NPL: variants seen among roughly 807,000 people sequenced by gnomAD.
NPL encodes the protein N-acetylneuraminate pyruvate lyase.
In NPL, 32 loss-of-function variants were observed where a neutral mutation model predicts 41.1. That is an observed-to-expected ratio of 0.78 (90% CI 0.59 to 1.05). NPL has a LOEUF of 1.05. Ranked by LOEUF, NPL falls within the 50% of genes least tolerant of loss-of-function variation. The pLI, the probability that NPL is intolerant of heterozygous loss-of-function variation, is 0.00. For synonymous variants in NPL, 128 were observed against 134.9 expected (o/e 0.95, Z 0.35); for missense variants, 321 against 378.4 (o/e 0.85, Z 1.26).
intron 5 of NPL, among the ~76,000 whole-genome samples, chr1:182,807,692 G>A (rs547854981): frequency 2.8e-5 from 4 of 144,516 alleles, no homozygotes; most frequent in Non-Finnish European, 6.0e-5. Flanking sequence ...CTGGCTAACA[G>A]GATGAAACCC....
Position 182,818,651 on chromosome 1 carries a change from C to T in NPL, c.568C>T (p.Arg190Cys), listed in dbSNP as rs191838493. The change falls in exon 9 of 13, where the codon CGC becomes TGC. Residue 190 changes from arginine (R) to cysteine (C), a missense_variant. Coordinates refer to ENST00000367553, the MANE Select transcript of NPL (RefSeq NM_030769.3). ...LDFGQCVDQN[R>C]QQQFAFLFGV... ...CTTCGGGCAATGTGTTGATCAGAAT[C>T]GCCAGCAACAGTTTGCTTTCCTTTT... 2.5e-5 allele frequency: 41 copies of T among 1,614,170 alleles called. 4 individuals carry two copies. The South Asian group carries it at 4.1e-4, about 16-fold the overall frequency.
At chr1:182,793,269 T>C (rs1385975915) in intron 2 of NPL, among the ~76,000 whole-genome samples, 4 of 152,228 alleles carry the variant, frequency 2.6e-5, no homozygotes, top group Non-Finnish European at 5.9e-5. Context: ...CCTATGGAAC[T>C]GAGGCTGTTA....
At chr1:182,826,689 A>G (rs1667639152) in intron 12 of NPL, 1 of 152,170 alleles carries the variant, frequency 6.6e-6, no homozygotes, top group Non-Finnish European at 1.5e-5. Context: ...TTTCTAAGCA[A>G]TGGTTTCACA....
At position 182,816,824 on chromosome 1, in the gene NPL, T is replaced by C. The variant is rs1667347015; in HGVS notation, c.457+18T>C. The C allele has an allele frequency of 1.3e-6, 2 of 1,569,602 alleles. No homozygotes were observed. Among genetic ancestry groups the C allele is most frequent in the Non-Finnish European group, 1.8e-6 (2 of 1,141,056 alleles). On this transcript the variant is annotated intron_variant, in intron 8 of 12. Coordinates refer to ENST00000367553, the MANE Select transcript of NPL (RefSeq NM_030769.3). ...GGTAAAGAGTAAGTACTGCTTCTGT[T>C]GATCTTTCTTTCCTTCCAACTCTCA...
intron 7 of NPL, among the ~76,000 whole-genome samples, chr1:182,815,643 G>T (rs895380177): frequency 5.3e-5 from 8 of 152,070 alleles, no homozygotes; most frequent in Admixed American, 2.6e-4. Context: ...TTGCTCTGTT[G>T]CCCAGGCTGG....
At chr1:182,817,981 A>C (rs1667382774) in intron 8 of NPL, among the ~76,000 whole-genome samples, 1 of 152,156 alleles carries the variant, frequency 6.6e-6, no homozygotes, top group Admixed American at 6.5e-5. Flanking sequence ...TCCTCCCCAG[A>C]GGCCAAGGGT....
In NPL at chr1:182,828,906, T is replaced by G; in HGVS notation, c.961T>G (p.Ter321GluextTer11). Residue 321 changes from the stop codon to glutamate (E), a stop_lost, in exon 13 of 13, where the codon TAG becomes GAG. Transcript: ENST00000367553. This position sits in a 1 kb window ranked among gnomAD's most constrained non-coding sequence, Gnocchi z 4.0. ...GGATGGAAACTTGGAAGCTGGTAGC[T>G]AGTGCCTCTCTATCAAATCAGGGTT... ...LKDGNLEAGS* is the reference protein window; with the variant it reads ...LKDGNLEAGSE The G allele has an allele frequency of 1.2e-6, 2 of 1,614,186 alleles. No individual in the cohort carries two copies. The highest frequency in any genetic ancestry group is 1.7e-6 in the Non-Finnish European group (2 of 1,180,010).
chr1:182,800,401 A>G (rs1419144652), intron 3 of NPL, among the ~76,000 whole-genome samples: 2 of 134,222 alleles, frequency 1.5e-5, no homozygotes, highest in Non-Finnish European at 3.1e-5. Flanking sequence ...GTGCCACTGT[A>G]TTCCAGCCTG....
At chr1:182,818,982 C>A (rs1332037787) in intron 10 of NPL, 123 bp downstream of exon 10, 1 of 884,070 alleles carries the variant, frequency 1.1e-6, no homozygotes, top group East Asian at 2.5e-5. Flanking sequence ...TTTCCACATT[C>A]TTCCAGTGAA....
At chr1:182,791,911 C>T (rs73065357) in intron 1 of NPL, among the ~76,000 whole-genome samples, 3,550 of 151,490 alleles carry the variant, frequency 0.023, 141 homozygotes, top group African/African-American at 0.08. Flanking sequence ...TAAGAGGTAA[C>T]GAAGGGAAAA....
intron 3 of NPL, among the ~76,000 whole-genome samples, chr1:182,794,861 A>T (rs1237776762): frequency 1.3e-5 from 2 of 152,212 alleles, no homozygotes; most frequent in Non-Finnish European, 2.9e-5. Flanking sequence ...CGTCAGCATG[A>T]TTCCACTTCA....
intron 11 of NPL, among the ~76,000 whole-genome samples, chr1:182,822,894 T>A (rs1366101011): frequency 6.6e-6 from 1 of 152,032 alleles, no homozygotes; most frequent in Non-Finnish European, 1.5e-5. Context: ...AGAGATAGGG[T>A]CTTGCTCTGT....
intron 5 of NPL, among the ~76,000 whole-genome samples, chr1:182,810,408 T>G (rs545273316): frequency 6.6e-6 from 1 of 152,222 alleles, no homozygotes; most frequent in Non-Finnish European, 1.5e-5. Context: ...GGTTTTACTC[T>G]TTGAGGAAAC....
At chr1:182,827,542 T>C (rs1171299309) in intron 12 of NPL, among the ~76,000 whole-genome samples, 1 of 152,250 alleles carries the variant, frequency 6.6e-6, no homozygotes, top group African/African-American at 2.4e-5. Context: ...TTCTGGATTA[T>C]TTCCTTAGAT....
Position 182,829,472 on chromosome 1 carries a change from G to A in NPL, c.*564G>A, listed in dbSNP as rs558258840. The stretch of plus-strand genomic sequence containing the variant: ...ATTCATTTCGATGTCACCACTTTTC[G>A]CTCTTTAAAAACACTGGGTCAGGTG... On this transcript the variant is annotated 3_prime_UTR_variant, in exon 13 of 13. Coordinates refer to ENST00000367553, the MANE Select transcript of NPL (RefSeq NM_030769.3). 51 of 1,452,226 alleles carry A rather than the reference G, an allele frequency of 3.5e-5. No homozygotes were observed. The highest frequency in any genetic ancestry group is 3.6e-5 in the Non-Finnish European group (40 of 1,102,320). The allele number at this position is 1,452,226 out of a possible 1,614,324, so 90.0% of individuals were successfully genotyped here.
intron 3 of NPL, among the ~76,000 whole-genome samples, chr1:182,796,775 G>A (rs1164183062): frequency 6.6e-6 from 1 of 152,140 alleles, no homozygotes; most frequent in African/African-American, 2.4e-5. Context: ...GGTGGCTCAT[G>A]CCTGTGATCC....
At chr1:182,814,884 G>T in intron 7 of NPL, 26 bp downstream of exon 7, 1 of 1,569,284 alleles carries the variant, frequency 6.4e-7, no homozygotes. Flanking sequence ...TGAATGCATG[G>T]CATCTCACAT....
At chr1:182,790,489 A>C (rs1571415102) in intron 1 of NPL, among the ~76,000 whole-genome samples, 1 of 152,228 alleles carries the variant, frequency 6.6e-6, no homozygotes, top group East Asian at 1.9e-4. Flanking sequence ...TAACATTCCC[A>C]AGTTTATCTA....
At chr1:182,803,531 G>GT (rs199544449) in intron 3 of NPL, among the ~76,000 whole-genome samples, 167 bp from the exon 4 acceptor site, 1 of 149,542 alleles carries the variant, frequency 6.7e-6, no homozygotes, top group African/African-American at 2.5e-5. Flanking sequence ...ACCAGATTCA[G>GT]GGGGGGAAAA....
Sources: gnomAD v4.1 joint callset for allele counts (sites outside exome capture counted in the v4.1 genomes callset) on GRCh38, gnomAD v4.1.1 for gene constraint, Gnocchi (gnomAD v3.1) non-coding constraint, MANE v1.5 for transcripts, NCBI Gene and HGNC (gene_info 2026-07-23, HGNC 2026-07-21) for gene names.